EPS8: variants seen among roughly 807,000 people sequenced by gnomAD.
EPS8 encodes EGFR pathway substrate 8, signaling adaptor, also known as epidermal growth factor receptor kinase substrate 8.
EPS8 carries 42 observed loss-of-function variants against 103.8 expected under a neutral mutation model. That is an observed-to-expected ratio of 0.40 (90% confidence interval 0.32 to 0.52). EPS8 has a LOEUF of 0.52. EPS8 is among the 20% of genes least tolerant of loss of function. The pLI, the probability that EPS8 is intolerant of heterozygous loss-of-function variation, is 0.40. For synonymous variants in EPS8, 344 were observed against 344.6 expected, an observed-to-expected ratio of 1.00 and a Z score of 0.02; for missense variants, 969 against 1,005.1, an observed-to-expected ratio of 0.96 and a Z score of 0.49.
chr12:15,767,691 C>G lies in EPS8; in HGVS notation c.-22+21470G>C, dbSNP rs566022401. Among the ~76,000 whole-genome samples the G allele has an allele frequency of 1.3e-5, 2 of 152,312 alleles. No homozygotes were observed. The highest frequency in any genetic ancestry group is 2.4e-5 in the African/African-American group (1 of 41,570). ...GTTTCAAACTGAGATATGTCTTCTT[C>G]TCTGCTAAACATGGTTGTTAGAATA... On this transcript the variant is annotated intron_variant, in intron 1 of 20. Transcript: ENST00000281172. The surrounding 1 kb of genome is among the most constrained non-coding windows in gnomAD (Gnocchi z 5.5).
At chr12:15,668,042 G>T (rs1449402933) in intron 6 of EPS8, among the ~76,000 whole-genome samples, 2 of 151,934 alleles carry the variant, frequency 1.3e-5, no homozygotes, top group African/African-American at 2.4e-5. Flanking sequence ...TAGGCCTCTG[G>T]TTTATAAAAA....
At chr12:15,755,597 G>T (rs1469535246) in intron 1 of EPS8, among the ~76,000 whole-genome samples, 1 of 152,176 alleles carries the variant, frequency 6.6e-6, no homozygotes, top group Admixed American at 6.5e-5. Context: ...TCCAAAAAAA[G>T]AAAGTATTCA....
intron 18 of EPS8, among the ~76,000 whole-genome samples, chr12:15,630,200 T>TCA (rs1321267543): frequency 7.9e-5 from 6 of 76,064 alleles, no homozygotes; most frequent in East Asian, 4.6e-4. Flanking sequence ...TATCTCTCTC[T>TCA]CACTCACACA....
intron 14 of EPS8, among the ~76,000 whole-genome samples, chr12:15,649,417 A>G (rs1565478853): frequency 6.6e-6 from 1 of 152,230 alleles, no homozygotes; most frequent in Non-Finnish European, 1.5e-5. Flanking sequence ...CAAGTGTATC[A>G]TAATTTCATG....
intron 18 of EPS8, among the ~76,000 whole-genome samples, chr12:15,626,098 A>C (rs934892456): frequency 1.3e-5 from 2 of 152,122 alleles, no homozygotes; most frequent in African/African-American, 4.8e-5. Flanking sequence ...CTATCTTTCC[A>C]GTTCTGGCAA....
intron 1 of EPS8, among the ~76,000 whole-genome samples, chr12:15,722,428 A>C (rs948521790): frequency 2.0e-5 from 3 of 152,172 alleles, no homozygotes; most frequent in African/African-American, 4.8e-5. Context: ...GACAATCTGC[A>C]ACTGCCATCC....
At chr12:15,755,469 C>T (rs963265236) in intron 1 of EPS8, among the ~76,000 whole-genome samples, 2 of 152,008 alleles carry the variant, frequency 1.3e-5, no homozygotes, top group Admixed American at 6.6e-5. Context: ...TCTCTCTGAG[C>T]CTGTTTCTTT....
In EPS8 at chr12:15,733,574, T is replaced by C. The variant is rs1447857660; in HGVS notation, c.-21-50602A>G. Among the ~76,000 whole-genome samples the C allele has an allele frequency of 2.6e-5, 4 of 152,096 alleles. No homozygotes were observed. The highest frequency in any genetic ancestry group is 6.5e-5 in the Admixed American group (1 of 15,276). The stretch of plus-strand genomic sequence containing the variant: ...GAGATGAAGAAAGAATAAAAGGACA[T>C]GTGAAAACACCTCAGCCCAGAGATA... On this transcript the variant is annotated intron_variant, in intron 1 of 20. Coordinates refer to ENST00000281172, the MANE Select transcript of EPS8 (RefSeq NM_004447.6). This position sits in a 1 kb window ranked among gnomAD's most constrained non-coding sequence, Gnocchi z 4.8.
At chr12:15,654,408 C>A in intron 12 of EPS8, 115 bp from the exon 13 acceptor site, 1 of 910,702 alleles carries the variant, frequency 1.1e-6, no homozygotes, top group South Asian at 1.4e-5. Context: ...GTCATATTAA[C>A]TTTTGATGCT....
In EPS8 at chr12:15,716,811, C is replaced by T. The variant is rs1184909721; in HGVS notation, c.-21-33839G>A. Among the ~76,000 whole-genome samples the T allele has an allele frequency of 6.6e-6, 1 of 152,164 alleles. No individual in the cohort carries two copies. Among genetic ancestry groups the T allele is most frequent in the Non-Finnish European group, 1.5e-5 (1 of 68,040 alleles). ...CAAGCAGAATCGATCAACAATGTCA[C>T]AATCCATTCATCTTGGAAGTATAAG... On this transcript the variant is annotated intron_variant, in intron 1 of 20. Transcript: ENST00000281172. The surrounding 1 kb of genome is among the most constrained non-coding windows in gnomAD (Gnocchi z 5.0).
At chr12:15,740,517 C>A (rs61908135) in intron 1 of EPS8, among the ~76,000 whole-genome samples, 1,526 of 151,714 alleles carry the variant, frequency 0.01, 13 homozygotes, top group Admixed American at 0.02. Flanking sequence ...TACACTCCAG[C>A]CTGGGCTACA....
intron 1 of EPS8, among the ~76,000 whole-genome samples, chr12:15,775,076 G>A (rs1947194785): frequency 6.6e-6 from 1 of 152,048 alleles, no homozygotes; most frequent in African/African-American, 2.4e-5. Context: ...GTGTTAGAAT[G>A]CGCTTGGCCC....
At chr12:15,671,031 A>T in intron 3 of EPS8, 108 bp from the exon 4 acceptor site, 1 of 675,028 alleles carries the variant, frequency 1.5e-6, no homozygotes, top group Non-Finnish European at 2.5e-6. Flanking sequence ...ATATAAATAC[A>T]GTAGCTGACA....
chr12:15,787,655 C>CT lies in EPS8; in HGVS notation c.-22+1505dup, dbSNP rs929226444. ...ATTAAAAGCAAATTATATTTTCCTT[C>CT]TTTTTTTTCTGCTATAAAGTGAATG... On this transcript the variant is annotated intron_variant, in intron 1 of 20. Coordinates refer to ENST00000281172, the MANE Select transcript of EPS8 (RefSeq NM_004447.6). This position sits in a 1 kb window ranked among gnomAD's most constrained non-coding sequence, Gnocchi z 4.9. Among the ~76,000 whole-genome samples, 1 of 151,944 alleles carries CT rather than the reference C, an allele frequency of 6.6e-6. No homozygotes were observed. The highest frequency in any genetic ancestry group is 1.5e-5 in the Non-Finnish European group (1 of 67,956).
rs942598537 is a variant in EPS8 at position 15,767,869 on chromosome 12, G to A, written c.-22+21292C>T. 2.0e-5 allele frequency among the ~76,000 whole-genome samples: 3 copies of A among 152,138 alleles called. No homozygotes were observed. The highest frequency in any genetic ancestry group is 7.2e-5 in the African/African-American group (3 of 41,442). On this transcript the variant is annotated intron_variant, in intron 1 of 20. Transcript: ENST00000281172. The surrounding 1 kb of genome is among the most constrained non-coding windows in gnomAD (Gnocchi z 5.5). ...AAGTGGAAAAATATATTACAAAGTTGTCTTTCCCCAGAGAATAAAATAGAT... is the reference window on the plus strand; with the variant it reads ...AAGTGGAAAAATATATTACAAAGTTATCTTTCCCCAGAGAATAAAATAGAT...
rs918111130 is a variant in EPS8 at position 15,738,898 on chromosome 12, A to C, written c.-22+50263T>G. On this transcript the variant is annotated intron_variant, in intron 1 of 20. Coordinates refer to ENST00000281172, the MANE Select transcript of EPS8 (RefSeq NM_004447.6). This position sits in a 1 kb window ranked among gnomAD's most constrained non-coding sequence, Gnocchi z 6.2. ...CGTTAAACAGTCCATGGTGGAGCTA[A>C]ATCTACCAAACCTGAGACACGACTC... 5.9e-5 allele frequency among the ~76,000 whole-genome samples: 9 copies of C among 152,164 alleles called. No individual in the cohort carries two copies. Among genetic ancestry groups the C allele is most frequent in the African/African-American group, 2.2e-4 (9 of 41,442 alleles).
chr12:15,770,606 A>G (rs1206734996), intron 1 of EPS8, among the ~76,000 whole-genome samples: 1 of 152,168 alleles, frequency 6.6e-6, no homozygotes, highest in Non-Finnish European at 1.5e-5. Flanking sequence ...AAGTTATAAT[A>G]CTTTAAAACA....
intron 17 of EPS8, among the ~76,000 whole-genome samples, chr12:15,638,564 A>T (rs1251507238): frequency 1.3e-5 from 2 of 152,182 alleles, no homozygotes; most frequent in African/African-American, 4.8e-5. Flanking sequence ...TGTAGTTGCA[A>T]CCCGAATTTT....
At chr12:15,686,243 T>C (rs1021398355) in intron 1 of EPS8, among the ~76,000 whole-genome samples, 4 of 152,208 alleles carry the variant, frequency 2.6e-5, no homozygotes, top group African/African-American at 9.6e-5. Flanking sequence ...GTATTTTCTC[T>C]AGCTTACTTT....
Sources: gnomAD v4.1 joint callset for allele counts (sites outside exome capture counted in the v4.1 genomes callset) on GRCh38, gnomAD v4.1.1 for gene constraint, Gnocchi (gnomAD v3.1) non-coding constraint, MANE v1.5 for transcripts, NCBI Gene and HGNC (gene_info 2026-07-23, HGNC 2026-07-21) for gene names.